DISC1: variants seen among roughly 807,000 people sequenced by gnomAD.
DISC1 encodes disrupted in schizophrenia 1 protein.
In DISC1, 57 loss-of-function variants were observed where a neutral mutation model predicts 84.5. The observed-to-expected ratio is 0.67, with a 90% CI of 0.55 to 0.84. The LOEUF (loss-of-function observed/expected upper bound fraction) is 0.84. Among genes scored for constraint, DISC1 ranks in the 40% least tolerant of loss-of-function variants. DISC1 has a pLI of 0.00. For synonymous variants in DISC1, 411 were observed against 415.2 expected (o/e 0.99, Z 0.12); for missense variants, 1,000 against 1,057.8 (o/e 0.95, Z 0.76).
chr1:231,876,353 G>C (rs1437902769), intron 9 of DISC1, among the ~76,000 whole-genome samples: 2 of 152,126 alleles, frequency 1.3e-5, no homozygotes, highest in African/African-American at 2.4e-5. Flanking sequence ...AGCTTCCTGA[G>C]GCCTCCCCAG....
At chr1:231,774,004 T>C (rs1046425873) in intron 6 of DISC1, among the ~76,000 whole-genome samples, 1 of 152,020 alleles carries the variant, frequency 6.6e-6, no homozygotes, top group Non-Finnish European at 1.5e-5. Context: ...GGCTCACACC[T>C]ATAATCCCAG....
intron 10 of DISC1, among the ~76,000 whole-genome samples, chr1:231,986,228 C>T (rs964357774): frequency 2.6e-5 from 4 of 152,176 alleles, no homozygotes; most frequent in African/African-American, 9.7e-5. Context: ...CCCAGCTTCT[C>T]CTGTCTGGGG....
At position 231,632,931 on chromosome 1, in the gene DISC1, C is replaced by T. The variant is rs150843141; in HGVS notation, c.67+5997C>T. Among the ~76,000 whole-genome samples the T allele has an allele frequency of 0.017, 2,621 of 152,226 alleles. 151 individuals carry two copies. The East Asian group carries it at 0.21, about 12-fold the overall frequency. On this transcript the variant is annotated intron_variant, in intron 1 of 12. Coordinates refer to ENST00000439617, the MANE Select transcript of DISC1 (RefSeq NM_018662.3). The stretch of plus-strand genomic sequence containing the variant: ...ACTTAAAATACAAAAATCAGCTGAG[C>T]ATGGTGGCGTGTGCCTGTAATCCCA...
chr1:231,959,228 G>T (rs1413775078), intron 10 of DISC1: 6 of 1,010,200 alleles, frequency 5.9e-6, no homozygotes, highest in Non-Finnish European at 7.1e-6. Context: ...GTTTGAGGGG[G>T]GTCTTAAGGA....
intron 10 of DISC1, among the ~76,000 whole-genome samples, chr1:231,968,631 C>T (rs1661452258): frequency 1.3e-5 from 2 of 151,624 alleles, no homozygotes; most frequent in South Asian, 4.2e-4. Flanking sequence ...AACAAAAAGC[C>T]CTCTCACACA....
At chr1:231,719,713 CTCTT>C (rs1461854919) in intron 3 of DISC1, among the ~76,000 whole-genome samples, 1 of 152,098 alleles carries the variant, frequency 6.6e-6, no homozygotes, top group African/African-American at 2.4e-5. Context: ...GCTTTTTAAT[CTCTT>C]TGTGTTTTTT....
At chr1:231,854,450 A>G (rs2084116098) in intron 9 of DISC1, among the ~76,000 whole-genome samples, 1 of 152,216 alleles carries the variant, frequency 6.6e-6, no homozygotes, top group African/African-American at 2.4e-5. Flanking sequence ...CCATTTCCAT[A>G]TAGTTCTTTT....
intron 9 of DISC1, among the ~76,000 whole-genome samples, chr1:231,839,666 C>G (rs2082889226): frequency 6.6e-6 from 1 of 152,138 alleles, no homozygotes; most frequent in Non-Finnish European, 1.5e-5. Flanking sequence ...CAAGGAATAC[C>G]TGAGACAGGG....
chr1:232,040,242 C>T lies in DISC1; in HGVS notation c.*3411C>T, dbSNP rs897058001. 6.6e-6 allele frequency: 1 copy of T among 152,190 alleles called. No homozygotes were observed. 9.4% of individuals were successfully genotyped at this position (152,190 alleles called of 1,614,324 possible). Reference sequence around the variant, plus strand: ...CCTGACCTCAGGCGATCCACCCCCACCTCGGCTTCCCAAAGTGCTGAGATT... The same window carrying T: ...CCTGACCTCAGGCGATCCACCCCCATCTCGGCTTCCCAAAGTGCTGAGATT... On this transcript the variant is annotated 3_prime_UTR_variant, in exon 13 of 13. Coordinates refer to ENST00000439617, the MANE Select transcript of DISC1 (RefSeq NM_018662.3).
At chr1:231,814,596 C>T (rs1015755816) in intron 8 of DISC1, among the ~76,000 whole-genome samples, 1 of 152,180 alleles carries the variant, frequency 6.6e-6, no homozygotes. Context: ...TTTCCCCACA[C>T]GTCATCATCC....
chr1:231,986,491 A>T (rs202068507), intron 10 of DISC1, among the ~76,000 whole-genome samples: 3 of 152,194 alleles, frequency 2.0e-5, no homozygotes, highest in Non-Finnish European at 4.4e-5. Context: ...GAATTGATGG[A>T]GTTGTTTTCT....
At chr1:231,914,637 G>T (rs956124241) in intron 9 of DISC1, among the ~76,000 whole-genome samples, 1 of 152,196 alleles carries the variant, frequency 6.6e-6, no homozygotes, top group Non-Finnish European at 1.5e-5. Context: ...GACTGGCTCA[G>T]CTTGGGTGGC....
chr1:231,858,248 C>T (rs374459694), intron 9 of DISC1, among the ~76,000 whole-genome samples: 1 of 152,236 alleles, frequency 6.6e-6, no homozygotes, highest in East Asian at 1.9e-4. Flanking sequence ...GCTCTCTTCC[C>T]TGGCTAAGCA....
chr1:231,955,858 A>G (rs1054070689), intron 9 of DISC1, among the ~76,000 whole-genome samples: 7 of 152,188 alleles, frequency 4.6e-5, no homozygotes, highest in East Asian at 3.8e-4. Context: ...TTTAAAATAT[A>G]TCTAAAATCT....
At chr1:232,000,412 C>A (rs1183920132) in intron 10 of DISC1, among the ~76,000 whole-genome samples, 3 of 152,026 alleles carry the variant, frequency 2.0e-5, no homozygotes, top group Non-Finnish European at 2.9e-5. Context: ...GAACAAGAAA[C>A]AATGGACTGA....
intron 9 of DISC1, among the ~76,000 whole-genome samples, chr1:231,942,225 T>G (rs1206551505): frequency 6.6e-6 from 1 of 152,008 alleles, no homozygotes; most frequent in African/African-American, 2.4e-5. Flanking sequence ...GAAGGACAAG[T>G]ATAAAAAGGT....
At chr1:231,772,667 C>T (rs146470453) in intron 6 of DISC1, among the ~76,000 whole-genome samples, 5 of 152,300 alleles carry the variant, frequency 3.3e-5, no homozygotes, top group Admixed American at 2.0e-4. Flanking sequence ...TGCTTCCAGT[C>T]GTCGTCTTTA....
At position 231,965,601 on chromosome 1, in the gene DISC1, A is replaced by G. The variant is rs116018272; in HGVS notation, c.2042+6713A>G. 6.7e-3 allele frequency among the ~76,000 whole-genome samples: 1,020 copies of G among 152,332 alleles called. 9 individuals carry two copies. The highest frequency in any genetic ancestry group is 0.024 in the African/African-American group (986 of 41,576). On this transcript the variant is annotated intron_variant, in intron 10 of 12. Coordinates refer to ENST00000439617, the MANE Select transcript of DISC1 (RefSeq NM_018662.3). ...CTTTCGCATCCAGCATAAATTCCACAGTCCTTGTTATGTCCTCCTCCTCTC... is the reference window on the plus strand; with the variant it reads ...CTTTCGCATCCAGCATAAATTCCACGGTCCTTGTTATGTCCTCCTCCTCTC...
chr1:232,002,595 GCACACACACACACACACACACACA>G (rs55740228), intron 10 of DISC1, among the ~76,000 whole-genome samples: 1 of 143,626 alleles, frequency 7.0e-6, no homozygotes, highest in South Asian at 2.3e-4. Context: ...ATTATGCTGA[GCACACACACACACACACACACACA>G]CACACACACA....
Sources: allele counts gnomAD v4.1 joint callset (sites outside exome capture counted in the v4.1 genomes callset), GRCh38; gene constraint gnomAD v4.1.1; transcripts MANE v1.5; gene names NCBI Gene and HGNC (gene_info 2026-07-23, HGNC 2026-07-21).